YPEL1: variants seen among roughly 807,000 people sequenced by gnomAD.
YPEL1 encodes the protein protein yippee-like 1.
A neutral mutation model predicts 17.3 loss-of-function variants in YPEL1; 7 were observed. The observed-to-expected ratio is 0.40, with a 90% CI of 0.23 to 0.76. The LOEUF is 0.76. YPEL1 is among the 30% of genes least tolerant of loss of function. The probability of loss-of-function intolerance (pLI) is 0.35; values close to 1 mark genes in which losing one functional copy is unlikely to be tolerated. For missense variants in YPEL1, 91 were observed against 155.5 expected (o/e 0.59, Z 2.21); for synonymous variants, 59 against 59.6 (o/e 0.99, Z 0.05).
intron 2 of YPEL1, among the ~76,000 whole-genome samples, chr22:21,708,275 T>C (rs1247445380): frequency 1.3e-5 from 2 of 151,776 alleles, no homozygotes; most frequent in African/African-American, 4.8e-5. Flanking sequence ...TCTCAGCACT[T>C]TTTTTCATCC....
chr22:21,732,183 C>T (rs1370086618), intron 1 of YPEL1, among the ~76,000 whole-genome samples: 1 of 152,184 alleles, frequency 6.6e-6, no homozygotes, highest in Non-Finnish European at 1.5e-5. Flanking sequence ...CTGGCGGAAT[C>T]GATTTCACCC....
chr22:21,707,631 T>C (rs1601627101), intron 2 of YPEL1, among the ~76,000 whole-genome samples: 2 of 152,230 alleles, frequency 1.3e-5, no homozygotes, highest in South Asian at 4.1e-4. Context: ...AATCATCTTA[T>C]AGACTTTTCC....
intron 1 of YPEL1, among the ~76,000 whole-genome samples, chr22:21,718,699 TTCA>T (rs1310931182): frequency 3.3e-5 from 5 of 152,070 alleles, no homozygotes; most frequent in Admixed American, 3.3e-4. Flanking sequence ...AAATCAACAG[TTCA>T]TCACATTTAT....
At chr22:21,718,819 A>G (rs553623176) in intron 1 of YPEL1, among the ~76,000 whole-genome samples, 1 of 152,234 alleles carries the variant, frequency 6.6e-6, no homozygotes, top group Admixed American at 6.5e-5. Flanking sequence ...CTTCTAAATG[A>G]AGTCCATTTC....
At chr22:21,715,130 G>T (rs2068208811) in intron 1 of YPEL1, among the ~76,000 whole-genome samples, 1 of 152,172 alleles carries the variant, frequency 6.6e-6, no homozygotes, top group Non-Finnish European at 1.5e-5. Context: ...ATACATATAT[G>T]TGTGGATTAT....
chr22:21,703,944 C>T lies in YPEL1; in HGVS notation c.118-62G>A. ...GCTTTCTGGAACGAAGCGGTGCTGC[C>T]CAGAACCAGGGGAGTCCAGCCCCGC... On this transcript the variant is annotated intron_variant, in intron 2 of 4. Coordinates refer to ENST00000339468, the MANE Select transcript of YPEL1 (RefSeq NM_013313.5). This position sits in a 1 kb window ranked among gnomAD's most constrained non-coding sequence, Gnocchi z 6.1. 1 of 1,547,280 alleles carries T rather than the reference C, an allele frequency of 6.5e-7. No individual in the cohort carries two copies. The highest frequency in any genetic ancestry group is 1.4e-5 in the African/African-American group (1 of 73,066).
chr22:21,713,786 G>A (rs2068194611), intron 1 of YPEL1, among the ~76,000 whole-genome samples: 3 of 152,094 alleles, frequency 2.0e-5, no homozygotes, highest in Admixed American at 6.6e-5. Context: ...ACATTTCTAA[G>A]GTCTCATTAA....
chr22:21,702,502 C>G (rs1362759682), intron 4 of YPEL1, among the ~76,000 whole-genome samples: 1 of 152,088 alleles, frequency 6.6e-6, no homozygotes, highest in East Asian at 1.9e-4. Context: ...GGAAAGCCTC[C>G]TTCAACAAAG....
chr22:21,717,138 GGGGGGGC>G (rs1048761073), intron 1 of YPEL1, among the ~76,000 whole-genome samples: 5 of 106,778 alleles, frequency 4.7e-5, no homozygotes, highest in East Asian at 3.9e-4. Flanking sequence ...GGCCGGGGCT[GGGGGGGC>G]GGGGGGCGGA....
At chr22:21,709,720 A>T (rs2068146787) in intron 2 of YPEL1, among the ~76,000 whole-genome samples, 1 of 152,196 alleles carries the variant, frequency 6.6e-6, no homozygotes, top group African/African-American at 2.4e-5. Flanking sequence ...GTGACCTGTG[A>T]AGATGGGGAG....
chr22:21,708,987 A>C lies in YPEL1; in HGVS notation c.117+1641T>G, dbSNP rs539477689. 1.8e-4 allele frequency among the ~76,000 whole-genome samples: 27 copies of C among 152,200 alleles called. 1 individual carries two copies. In the South Asian group the frequency reaches 5.4e-3, roughly 30 times the overall value. On this transcript the variant is annotated intron_variant, in intron 2 of 4. Coordinates refer to ENST00000339468, the MANE Select transcript of YPEL1 (RefSeq NM_013313.5). Reference sequence around the variant, plus strand: ...CCACGCCCAGCTGATACAATTTTTAAAACAGCTCATTGATGACCTCCAGGC... The same window carrying C: ...CCACGCCCAGCTGATACAATTTTTACAACAGCTCATTGATGACCTCCAGGC...
intron 2 of YPEL1, among the ~76,000 whole-genome samples, chr22:21,707,689 C>A (rs2068127303): frequency 6.6e-6 from 1 of 152,172 alleles, no homozygotes; most frequent in South Asian, 2.1e-4. Context: ...TCCTAATTCT[C>A]ACCTACTCTG....
At chr22:21,714,205 G>A (rs539394285) in intron 1 of YPEL1, among the ~76,000 whole-genome samples, 117 of 152,350 alleles carry the variant, frequency 7.7e-4, no homozygotes, top group South Asian at 4.6e-3. Flanking sequence ...TGGGCAGAAC[G>A]CAGCGTTTGT....
chr22:21,708,233 TCCTGGTGG>T (rs1156821246), intron 2 of YPEL1, among the ~76,000 whole-genome samples: 1 of 151,778 alleles, frequency 6.6e-6, no homozygotes, highest in Admixed American at 6.6e-5. Flanking sequence ...GTCTGATCCT[TCCTGGTGG>T]CCTGTGTGCT....
At position 21,704,851 on chromosome 22, in the gene YPEL1, C is replaced by A. The variant is rs573061486; in HGVS notation, c.118-969G>T. On this transcript the variant is annotated intron_variant, in intron 2 of 4. Transcript: ENST00000339468. ...CTGCACCCCCTGATGCACTTGGTCA[C>A]TCCCCACGACCTTTGCCCTCACGGG... Among the ~76,000 whole-genome samples the A allele has an allele frequency of 5.3e-5, 8 of 152,296 alleles. No homozygotes were observed. In the South Asian group the frequency reaches 1.7e-3, roughly 32 times the overall value.
chr22:21,703,579 A>C lies in YPEL1; in HGVS notation c.162-101T>G. Reference sequence around the variant, plus strand: ...ACCCCATCCTCCTAAGAGTTCCCCCAAAACAGGGAAACTCCCAGAGAGCAG... The same window carrying C: ...ACCCCATCCTCCTAAGAGTTCCCCCCAAACAGGGAAACTCCCAGAGAGCAG... On this transcript the variant is annotated intron_variant, in intron 3 of 4. Coordinates refer to ENST00000339468, the MANE Select transcript of YPEL1 (RefSeq NM_013313.5). The surrounding 1 kb of genome is among the most constrained non-coding windows in gnomAD (Gnocchi z 6.1). 1 of 1,102,684 alleles carries C rather than the reference A, an allele frequency of 9.1e-7. No homozygotes were observed. The highest frequency in any genetic ancestry group is 1.3e-6 in the Non-Finnish European group (1 of 751,956). 68.3% of individuals were successfully genotyped at this position (1,102,684 alleles called of 1,614,324 possible).
At chr22:21,701,242 T>C in intron 4 of YPEL1, 24 bp from the exon 5 acceptor site, 1 of 1,590,514 alleles carries the variant, frequency 6.3e-7, no homozygotes. Flanking sequence ...AGACAAAGGT[T>C]TCAGGACAGA....
chr22:21,719,058 C>A (rs749046688), intron 1 of YPEL1, among the ~76,000 whole-genome samples: 2 of 152,158 alleles, frequency 1.3e-5, no homozygotes, highest in Non-Finnish European at 2.9e-5. Flanking sequence ...AACTACTGGG[C>A]CCTTCATGAA....
rs756347786 is a variant in YPEL1, at chr22:21,703,325, G to A, written c.270+45C>T. 1 of 1,562,656 alleles carries A rather than the reference G, an allele frequency of 6.4e-7. No individual in the cohort carries two copies. The highest frequency in any genetic ancestry group is 1.4e-5 in the African/African-American group (1 of 73,978). ...GGAGGTGTGGCTCAGTGGCAACTTA[G>A]TGCCACATCCCCTTGTGGCACGAGC... is the stretch of plus-strand genomic sequence containing the variant. On this transcript the variant is annotated intron_variant, in intron 4 of 4. Coordinates refer to ENST00000339468, the MANE Select transcript of YPEL1 (RefSeq NM_013313.5). The surrounding 1 kb of genome is among the most constrained non-coding windows in gnomAD (Gnocchi z 6.1).
Sources: gnomAD v4.1 joint callset for allele counts (sites outside exome capture counted in the v4.1 genomes callset) on GRCh38, gnomAD v4.1.1 for gene constraint, Gnocchi (gnomAD v3.1) non-coding constraint, MANE v1.5 for transcripts, NCBI Gene and HGNC (gene_info 2026-07-23, HGNC 2026-07-21) for gene names.